The following TRHDE variants were observed in gnomAD, a reference collection of about 807,000 sequenced individuals.
TRHDE encodes thyrotropin releasing hormone degrading enzyme.
In TRHDE, 72 loss-of-function variants were observed where a neutral mutation model predicts 125.7. The ratio of observed to expected loss-of-function variants is 0.57; its 90% CI spans 0.47 to 0.70. TRHDE has a LOEUF of 0.70. Among genes scored for constraint, TRHDE ranks in the 30% least tolerant of loss-of-function variants. The pLI is 0.00. For missense variants in TRHDE, 1,110 were observed against 1,327.1 expected, an observed-to-expected ratio of 0.84 and a Z score of 2.54; for synonymous variants, 509 against 509.1, an observed-to-expected ratio of 1.00 and a Z score of 0.00.
rs571488282 is a variant in TRHDE, at chr12:72,225,375, G to C, written n.279+119623G>C. 2.0e-5 allele frequency among the ~76,000 whole-genome samples: 3 copies of C among 152,236 alleles called. 1 individual carries two copies. The highest frequency in any genetic ancestry group is 7.2e-5 in the African/African-American group (3 of 41,550). Reference sequence around the variant, plus strand: ...TCACCATTATGTATAAAAATCTATTGTTTATTAAAAGCCTAGTGCATCTGC... The same window carrying C: ...TCACCATTATGTATAAAAATCTATTCTTTATTAAAAGCCTAGTGCATCTGC... On this transcript the variant is annotated intron_variant and non_coding_transcript_variant, in intron 2 of 4. Coordinates refer to the TRHDE transcript ENST00000548156.
intron 2 of TRHDE, among the ~76,000 whole-genome samples, chr12:72,188,713 T>G (rs763645085): frequency 1.2e-4 from 19 of 152,248 alleles, no homozygotes; most frequent in Admixed American, 4.6e-4. Context: ...AAATCTGATT[T>G]TTTTTGTATA....
intron 2 of TRHDE, among the ~76,000 whole-genome samples, chr12:72,292,481 A>G (rs1880125459): frequency 1.3e-5 from 2 of 152,198 alleles, no homozygotes; most frequent in South Asian, 4.1e-4. Flanking sequence ...GGCCAGTGAG[A>G]AGAAGCCAGG....
intron 2 of TRHDE, among the ~76,000 whole-genome samples, chr12:72,239,061 C>T (rs1878421372): frequency 6.6e-6 from 1 of 152,238 alleles, no homozygotes; most frequent in South Asian, 2.1e-4. Flanking sequence ...CTGTTGTTTC[C>T]TGACTTTTTA....
chr12:72,517,080 A>C (rs1467549492), intron 6 of TRHDE, among the ~76,000 whole-genome samples: 3 of 151,858 alleles, frequency 2.0e-5, no homozygotes, highest in Admixed American at 6.6e-5. Context: ...ATCAATGTTC[A>C]TCAAGGATAT....
intron 3 of TRHDE, among the ~76,000 whole-genome samples, chr12:72,389,007 C>A (rs1036662312): frequency 6.6e-6 from 1 of 151,708 alleles, no homozygotes; most frequent in Non-Finnish European, 1.5e-5. Flanking sequence ...AATAGAAAAT[C>A]ATCAGTTAAC....
chr12:72,537,454 G>A (rs142573992), intron 6 of TRHDE, among the ~76,000 whole-genome samples: 3 of 151,882 alleles, frequency 2.0e-5, no homozygotes, highest in Non-Finnish European at 4.4e-5. Flanking sequence ...TTTTTCCTGC[G>A]TGCTCACACT....
At chr12:72,582,335 AT>A (rs199513128) in intron 12 of TRHDE, 71 of 955,700 alleles carry the variant, frequency 7.4e-5, no homozygotes, top group South Asian at 2.4e-4. Context: ...AAACTTACAG[AT>A]TTTTTTTTTC....
In TRHDE at chr12:72,123,454, T is replaced by C. The variant is rs527387076; in HGVS notation, n.279+17702T>C. On this transcript the variant is annotated intron_variant and non_coding_transcript_variant, in intron 2 of 4. Transcript: ENST00000548156. ...ATATTACAAAACTCATAAAATGTCA[T>C]AATTGAATCCCAATGTTAGCATTTT... 2.0e-5 allele frequency among the ~76,000 whole-genome samples: 3 copies of C among 152,272 alleles called. No homozygotes were observed. The East Asian group carries it at 5.8e-4, about 29-fold the overall frequency.
chr12:72,464,934 C>G (rs12311002), intron 3 of TRHDE, among the ~76,000 whole-genome samples: 14,975 of 152,146 alleles, frequency 0.098, 924 homozygotes, highest in African/African-American at 0.16. Flanking sequence ...TATTTCATAT[C>G]TGTCTATAGT....
rs776949047 is a variant in TRHDE at position 72,618,967 on chromosome 12, C to A, written c.2398C>A (p.His800Asn). ...LSEEKDFLPW[H>N]AASRALYPLD... The stretch of plus-strand genomic sequence containing the variant: ...TGAGGAGAAGGATTTTCTTCCTTGG[C>A]ATGCTGCCAGCCGAGCTCTTTATCC... The change falls in exon 13 of 19, where the codon CAT becomes AAT. Residue 800 changes from histidine (H) to asparagine (N), a missense_variant. By Grantham distance (68) the His-to-Asn change is moderately conservative. This residue lies in a region of TRHDE where 527 missense variants were observed against 651.8 expected (regional missense o/e 0.81). Transcript: ENST00000261180. The A allele has an allele frequency of 6.2e-7, 1 of 1,603,302 alleles. No individual in the cohort carries two copies. Among genetic ancestry groups the A allele is most frequent in the Non-Finnish European group, 8.5e-7 (1 of 1,174,412 alleles).
At chr12:72,392,840 C>G (rs887072972) in intron 3 of TRHDE, among the ~76,000 whole-genome samples, 1 of 152,110 alleles carries the variant, frequency 6.6e-6, no homozygotes, top group African/African-American at 2.4e-5. Context: ...TCAAACTAAA[C>G]TGGCACATTT....
chr12:72,243,038 G>A (rs766293129), intron 2 of TRHDE, among the ~76,000 whole-genome samples: 2 of 152,148 alleles, frequency 1.3e-5, no homozygotes, highest in African/African-American at 4.8e-5. Context: ...TACTTCTGAA[G>A]GCTGTTATAT....
At chr12:72,659,877 C>A (rs1874849225) in intron 18 of TRHDE, among the ~76,000 whole-genome samples, 1 of 152,094 alleles carries the variant, frequency 6.6e-6, no homozygotes, top group South Asian at 2.1e-4. Flanking sequence ...CAGGTATTCT[C>A]CCCGCTTGCG....
chr12:72,426,521 C>T lies in TRHDE; in HGVS notation c.1316-43237C>T, dbSNP rs541378606. On this transcript the variant is annotated intron_variant, in intron 3 of 18. Transcript: ENST00000261180. ...CTACTCCATTAATCCTAACAAAAAG[C>T]TTAAGAGGTAGGAACTATTATTTTC... Among the ~76,000 whole-genome samples the T allele has an allele frequency of 4.1e-4, 63 of 152,032 alleles. 3 individuals are homozygous for T. In the South Asian group the frequency reaches 0.012, roughly 29 times the overall value.
At chr12:72,298,457 G>C (rs952727397) in intron 2 of TRHDE, among the ~76,000 whole-genome samples, 1 of 152,092 alleles carries the variant, frequency 6.6e-6, no homozygotes, top group Non-Finnish European at 1.5e-5. Context: ...TTTCTTTCTG[G>C]CTTCAGATTT....
At chr12:72,620,708 T>A (rs1266273126) in intron 13 of TRHDE, among the ~76,000 whole-genome samples, 1 of 152,162 alleles carries the variant, frequency 6.6e-6, no homozygotes, top group African/African-American at 2.4e-5. Flanking sequence ...GCATTAAATA[T>A]GCCTTGTTGA....
chr12:72,467,632 T>C (rs1243627472), intron 3 of TRHDE, among the ~76,000 whole-genome samples: 2 of 152,114 alleles, frequency 1.3e-5, no homozygotes, highest in East Asian at 1.9e-4. Flanking sequence ...CTGGACAATA[T>C]GGTGAAACCC....
At chr12:72,257,478 ACTTC>A (rs1565674561) in intron 2 of TRHDE, 1 of 152,198 alleles carries the variant, frequency 6.6e-6, no homozygotes, top group Non-Finnish European at 1.5e-5. Flanking sequence ...AATCCAAAAC[ACTTC>A]TTGACCGAAA....
At chr12:72,421,930 T>A (rs930410180) in intron 3 of TRHDE, among the ~76,000 whole-genome samples, 1 of 152,172 alleles carries the variant, frequency 6.6e-6, no homozygotes, top group African/African-American at 2.4e-5. Context: ...TAGAAATGTG[T>A]AAACCAGAAT....
Sources: gnomAD v4.1 joint callset for allele counts (sites outside exome capture counted in the v4.1 genomes callset) on GRCh38, gnomAD v4.1.1 for gene constraint, gnomAD v4.1.1 regional missense constraint, MANE v1.5 for transcripts, NCBI Gene and HGNC (gene_info 2026-07-23, HGNC 2026-07-21) for gene names.